The following TRAM2 variants were observed in gnomAD, a reference collection of about 807,000 sequenced individuals.
The protein encoded by TRAM2 is translocation associated membrane protein 2, also known as translocating chain-associated membrane protein 2.
In TRAM2, 12 loss-of-function variants were observed where a neutral mutation model predicts 51.0. That is an observed-to-expected ratio of 0.24 (90% CI 0.15 to 0.38). TRAM2 has a LOEUF of 0.38. TRAM2 is among the 10% of genes least tolerant of loss of function. The pLI is 1.00. For missense variants in TRAM2, 361 were observed against 462.0 expected, an observed-to-expected ratio of 0.78 and a Z score of 2.00; for synonymous variants, 175 against 179.4, an observed-to-expected ratio of 0.98 and a Z score of 0.20.
intron 1 of TRAM2, among the ~76,000 whole-genome samples, chr6:52,551,461 G>C (rs2076636): frequency 0.098 from 14,936 of 152,198 alleles, 1,334 homozygotes; most frequent in East Asian, 0.49. Flanking sequence ...TTTCAGGATA[G>C]AGCAGCAACT....
intron 1 of TRAM2, among the ~76,000 whole-genome samples, chr6:52,542,288 T>C (rs1394911104): frequency 7.5e-6 from 1 of 133,418 alleles, no homozygotes; most frequent in Non-Finnish European, 1.5e-5. Context: ...AAAAAAATAG[T>C]CTTTTAGCCT....
chr6:52,535,686 G>GAA, intron 2 of TRAM2, 97 bp downstream of exon 2: 209 of 946,852 alleles, frequency 2.2e-4, no homozygotes, highest in Non-Finnish European at 2.6e-4. Context: ...CGTCATGGGG[G>GAA]AAAAAAAAAA....
intron 1 of TRAM2, among the ~76,000 whole-genome samples, chr6:52,553,108 C>T (rs1767339582): frequency 6.6e-6 from 1 of 152,168 alleles, no homozygotes; most frequent in African/African-American, 2.4e-5. Context: ...CACGCACACA[C>T]CACAGCCCCT....
chr6:52,527,956 C>G (rs934524471), intron 2 of TRAM2, among the ~76,000 whole-genome samples: 1 of 152,172 alleles, frequency 6.6e-6, no homozygotes, highest in Non-Finnish European at 1.5e-5. Flanking sequence ...GATGGCCAAC[C>G]AATAAGGCCA....
At chr6:52,546,248 T>C (rs1767198046) in intron 1 of TRAM2, among the ~76,000 whole-genome samples, 1 of 152,086 alleles carries the variant, frequency 6.6e-6, no homozygotes, top group Non-Finnish European at 1.5e-5. Context: ...GGCCTGTGTA[T>C]GGATGGTAGT....
chr6:52,537,834 C>T (rs1450550867), intron 1 of TRAM2, among the ~76,000 whole-genome samples: 1 of 152,162 alleles, frequency 6.6e-6, no homozygotes, highest in Non-Finnish European at 1.5e-5. Context: ...AAAGCCAAGT[C>T]AGCTTCACTC....
rs181337159 is a variant in TRAM2 at position 52,540,638 on chromosome 6, A to G, written c.121-4792T>C. Among the ~76,000 whole-genome samples the G allele has an allele frequency of 1.1e-3, 174 of 152,312 alleles. 2 individuals are homozygous for G. Among genetic ancestry groups the G allele is most frequent in the Admixed American group, 5.2e-3 (79 of 15,304 alleles). Reference sequence around the variant, plus strand: ...CTCCATGACCCTCTCCCGACCTCAGACTAGGGATGAAACCACTAACAAGTC... The same window carrying G: ...CTCCATGACCCTCTCCCGACCTCAGGCTAGGGATGAAACCACTAACAAGTC... On this transcript the variant is annotated intron_variant, in intron 1 of 10. Coordinates refer to ENST00000182527, the MANE Select transcript of TRAM2 (RefSeq NM_012288.4).
At chr6:52,527,954 A>G (rs536859939) in intron 2 of TRAM2, among the ~76,000 whole-genome samples, 39 of 152,290 alleles carry the variant, frequency 2.6e-4, no homozygotes, top group Non-Finnish European at 4.1e-4. Context: ...CAGATGGCCA[A>G]CCAATAAGGC....
At chr6:52,560,761 T>C (rs1479940962) in intron 1 of TRAM2, among the ~76,000 whole-genome samples, 1 of 152,178 alleles carries the variant, frequency 6.6e-6, no homozygotes, top group Non-Finnish European at 1.5e-5. Flanking sequence ...CAAGCCAGAA[T>C]AATGGGCAAT....
intron 1 of TRAM2, among the ~76,000 whole-genome samples, 188 bp downstream of exon 1, chr6:52,576,608 G>A (rs973154843): frequency 1.1e-4 from 16 of 152,184 alleles, no homozygotes; most frequent in African/African-American, 3.9e-4. Context: ...GCGCGGAGCT[G>A]GGGGTGCTGT....
At chr6:52,536,452 A>G (rs1766978691) in intron 1 of TRAM2, among the ~76,000 whole-genome samples, 1 of 152,182 alleles carries the variant, frequency 6.6e-6, no homozygotes, top group Non-Finnish European at 1.5e-5. Flanking sequence ...GAAACAAAAA[A>G]CTGTGGTTGC....
chr6:52,504,141 T>G (rs1334552749), intron 10 of TRAM2, among the ~76,000 whole-genome samples: 2 of 152,152 alleles, frequency 1.3e-5, no homozygotes, highest in Non-Finnish European at 2.9e-5. Context: ...TATGTCACTG[T>G]GAGTCATTCT....
chr6:52,572,534 C>T (rs1177373160), intron 1 of TRAM2, among the ~76,000 whole-genome samples: 1 of 152,198 alleles, frequency 6.6e-6, no homozygotes, highest in Non-Finnish European at 1.5e-5. Context: ...ACCTGGGAGG[C>T]GGAGGCTGCA....
intron 7 of TRAM2, among the ~76,000 whole-genome samples, chr6:52,507,315 G>T (rs1264375369): frequency 6.6e-6 from 1 of 152,216 alleles, no homozygotes; most frequent in Non-Finnish European, 1.5e-5. Context: ...TACATACTGT[G>T]TTATGGTGTT....
chr6:52,507,969 T>G (rs999061892), intron 6 of TRAM2, among the ~76,000 whole-genome samples: 1 of 152,202 alleles, frequency 6.6e-6, no homozygotes, highest in African/African-American at 2.4e-5. Context: ...CAAAGACCTC[T>G]CCTTTGACAT....
At chr6:52,541,872 C>T (rs1392178883) in intron 1 of TRAM2, among the ~76,000 whole-genome samples, 1 of 149,754 alleles carries the variant, frequency 6.7e-6, no homozygotes, top group East Asian at 1.9e-4. Context: ...CAGACCAGCC[C>T]CCGGGGGCAG....
intron 1 of TRAM2, among the ~76,000 whole-genome samples, chr6:52,571,654 C>A (rs1767683278): frequency 1.3e-5 from 2 of 152,184 alleles, no homozygotes; most frequent in South Asian, 4.1e-4. Flanking sequence ...AGCAGCTGCA[C>A]CACCAGGCTC....
At chr6:52,503,557 GCAA>G (rs1478174431) in intron 10 of TRAM2, among the ~76,000 whole-genome samples, 2 of 152,172 alleles carry the variant, frequency 1.3e-5, no homozygotes, top group Non-Finnish European at 2.9e-5. Flanking sequence ...CAGTAACTCA[GCAA>G]CAACAGAGGC....
intron 1 of TRAM2, among the ~76,000 whole-genome samples, chr6:52,563,601 C>T (rs1432373101): frequency 6.7e-6 from 1 of 149,802 alleles, no homozygotes; most frequent in Non-Finnish European, 1.5e-5. Context: ...CGCCTCTAGT[C>T]CCAGCTACTC....
Sources: allele counts gnomAD v4.1 joint callset (sites outside exome capture counted in the v4.1 genomes callset), GRCh38; gene constraint gnomAD v4.1.1; transcripts MANE v1.5; gene names NCBI Gene and HGNC (gene_info 2026-07-23, HGNC 2026-07-21).